The following ODAD2 variants were observed in gnomAD, a reference collection of about 807,000 sequenced individuals.
ODAD2 encodes the protein outer dynein arm docking complex subunit 2, also known as outer dynein arm-docking complex subunit 2.
ODAD2 carries 89 observed loss-of-function variants against 106.8 expected under a neutral mutation model. That is an observed-to-expected ratio of 0.83 (90% CI 0.70 to 0.99). ODAD2 has a LOEUF of 0.99. Among genes scored for constraint, ODAD2 ranks in the 50% least tolerant of loss-of-function variants. ODAD2 has a pLI of 0.00. For missense variants in ODAD2, 1,168 were observed against 1,238.5 expected (o/e 0.94, Z 0.85); for synonymous variants, 404 against 436.2 (o/e 0.93, Z 0.92).
At chr10:27,987,657 T>C (rs1427429007) in intron 2 of ODAD2, 114 bp from the exon 3 acceptor site, 4 of 659,028 alleles carry the variant, frequency 6.1e-6, no homozygotes, top group African/African-American at 3.6e-5. Context: ...ATACAGAAAA[T>C]ATAAATACAT....
At chr10:27,955,492 C>G (rs1294963263) in intron 10 of ODAD2, among the ~76,000 whole-genome samples, 1 of 152,160 alleles carries the variant, frequency 6.6e-6, no homozygotes, top group Non-Finnish European at 1.5e-5. Flanking sequence ...CTGCAGCTCC[C>G]TTCTGTGTGG....
intron 7 of ODAD2, among the ~76,000 whole-genome samples, chr10:27,974,873 C>T (rs1035437992): frequency 7.9e-5 from 12 of 152,118 alleles, no homozygotes; most frequent in African/African-American, 2.9e-4. Flanking sequence ...AATCCATGAG[C>T]ATAGGATGTT....
At chr10:27,828,675 A>G (rs1837250464) in intron 19 of ODAD2, among the ~76,000 whole-genome samples, 1 of 152,236 alleles carries the variant, frequency 6.6e-6, no homozygotes, top group Non-Finnish European at 1.5e-5. Flanking sequence ...ACCATTTATT[A>G]GAAAACAATT....
chr10:27,944,104 G>C lies in ODAD2; in HGVS notation c.1743+118C>G, dbSNP rs1846675162. ...TAAGGGCAAGCGATACAGACAGAAG[G>C]CTCCTGGAACACGCTCTCATGGCTA... On this transcript the variant is annotated intron_variant, in intron 12 of 19. Coordinates refer to ENST00000305242, the MANE Select transcript of ODAD2 (RefSeq NM_018076.5). 33 of 824,860 alleles carry C rather than the reference G, an allele frequency of 4.0e-5. No individual in the cohort carries two copies. The South Asian group carries it at 5.2e-4, about 13-fold the overall frequency. The allele number at this position is 824,860 out of a possible 1,614,324, so 51.1% of individuals were successfully genotyped here.
chr10:27,933,556 A>T (rs1276073529), intron 16 of ODAD2, among the ~76,000 whole-genome samples: 1 of 152,200 alleles, frequency 6.6e-6, no homozygotes, highest in Non-Finnish European at 1.5e-5. Context: ...TAGTCCAGGT[A>T]AAAGATGACA....
intron 10 of ODAD2, among the ~76,000 whole-genome samples, chr10:27,960,947 T>C (rs1331967121): frequency 6.6e-6 from 1 of 152,210 alleles, no homozygotes; most frequent in Non-Finnish European, 1.5e-5. Context: ...CCATTCCCCT[T>C]GCCCTCCTGC....
At chr10:27,938,064 C>T (rs1428177193) in intron 14 of ODAD2, among the ~76,000 whole-genome samples, 2 of 152,092 alleles carry the variant, frequency 1.3e-5, no homozygotes, top group Non-Finnish European at 2.9e-5. Flanking sequence ...GTGCCTCCAC[C>T]TCCAGAGTAA....
intron 10 of ODAD2, among the ~76,000 whole-genome samples, chr10:27,948,001 CT>C (rs1483178473): frequency 1.3e-5 from 2 of 152,190 alleles, no homozygotes; most frequent in African/African-American, 4.8e-5. Flanking sequence ...ACTTCCACAT[CT>C]TTTGAGCTTT....
chr10:27,894,785 C>G (rs996560669), intron 17 of ODAD2, among the ~76,000 whole-genome samples: 1 of 151,744 alleles, frequency 6.6e-6, no homozygotes, highest in African/African-American at 2.4e-5. Context: ...CAGCTGACCT[C>G]AAAATCCTGA....
Position 27,860,856 on chromosome 10 carries a change from G to A in ODAD2, c.2800-10C>T. ...TCAATTTATTGTTATTCTGTGCAAGGGAAAATGAAATGGGATCTGTGCATT... is the reference window on the plus strand; with the variant it reads ...TCAATTTATTGTTATTCTGTGCAAGAGAAAATGAAATGGGATCTGTGCATT... On this transcript the variant is annotated splice_polypyrimidine_tract_variant and intron_variant, in intron 18 of 19. Coordinates refer to ENST00000305242, the MANE Select transcript of ODAD2 (RefSeq NM_018076.5). 4 of 1,610,938 alleles carry A rather than the reference G, an allele frequency of 2.5e-6. No homozygotes were observed. The highest frequency in any genetic ancestry group is 3.4e-6 in the Non-Finnish European group (4 of 1,177,216).
intron 17 of ODAD2, among the ~76,000 whole-genome samples, chr10:27,888,118 A>AC (rs373770980): frequency 3.9e-5 from 6 of 152,156 alleles, no homozygotes; most frequent in African/African-American, 1.2e-4. Context: ...GTGCTGTGAT[A>AC]AACATACAAG....
chr10:27,960,319 T>C (rs910011830), intron 10 of ODAD2, among the ~76,000 whole-genome samples: 6 of 7,672 alleles, frequency 7.8e-4, no homozygotes, highest in Non-Finnish European at 1.5e-3. Context: ...ATTTCATTAT[T>C]ATTATTATTA....
chr10:27,985,066 C>G lies in ODAD2; in HGVS notation c.528G>C (p.Lys176Asn). ...EIKMKIAMLLKQLDLHLLNHS... is the reference protein window; with the variant it reads ...EIKMKIAMLLNQLDLHLLNHS... ...GATTGAGGAGGTGCAGATCCAATTGCTTAAGCAGCATAGCAATCTTCATCT... is the reference window on the plus strand; with the variant it reads ...GATTGAGGAGGTGCAGATCCAATTGGTTAAGCAGCATAGCAATCTTCATCT... Residue 176 changes from lysine to asparagine, a missense_variant, in exon 4 of 20, where the codon AAG (lysine) becomes AAC (asparagine). By Grantham distance (94) the Lys-to-Asn change is moderately conservative (BLOSUM62 0). This residue lies in a region of ODAD2 where 430 missense variants were observed against 452.2 expected (regional missense o/e 0.95). Transcript: ENST00000305242. 6.2e-7 allele frequency: 1 copy of G among 1,609,226 alleles called. No individual in the cohort carries two copies. The highest frequency in any genetic ancestry group is 1.1e-5 in the South Asian group (1 of 90,334).
chr10:27,989,641 C>T (rs1465995924), intron 2 of ODAD2, among the ~76,000 whole-genome samples: 2 of 152,162 alleles, frequency 1.3e-5, no homozygotes, highest in Non-Finnish European at 2.9e-5. Flanking sequence ...TTTTTCATTG[C>T]TCCTACCAGT....
intron 10 of ODAD2, among the ~76,000 whole-genome samples, chr10:27,948,778 G>GGTTT (rs1847115638): frequency 5.1e-5 from 2 of 39,236 alleles, no homozygotes; most frequent in East Asian, 1.2e-3. Flanking sequence ...TTGGCCTTTG[G>GGTTT]ATTTTTTTTT....
intron 9 of ODAD2, 102 bp from the exon 10 acceptor site, chr10:27,961,817 T>TCCCAAA: frequency 1.0e-6 from 1 of 980,340 alleles, no homozygotes; most frequent in Non-Finnish European, 1.5e-6. Flanking sequence ...ATAATCTCAG[T>TCCCAAA]GCTTTGGGAG....
intron 19 of ODAD2, among the ~76,000 whole-genome samples, chr10:27,824,810 ATTT>A (rs1469556376): frequency 6.6e-6 from 1 of 152,168 alleles, no homozygotes; most frequent in Non-Finnish European, 1.5e-5. Flanking sequence ...TGTTAGATCC[ATTT>A]TCTGAGAGAC....
chr10:27,839,280 T>C (rs1838134710), intron 19 of ODAD2, among the ~76,000 whole-genome samples: 1 of 152,218 alleles, frequency 6.6e-6, no homozygotes. Context: ...TCTAAAAATA[T>C]GACACGCGGC....
intron 10 of ODAD2, among the ~76,000 whole-genome samples, chr10:27,955,100 T>C (rs924731882): frequency 4.6e-5 from 7 of 152,230 alleles, no homozygotes; most frequent in Non-Finnish European, 1.0e-4. Flanking sequence ...TTAAAGAATG[T>C]TTCTCAGGAA....
Sources: allele counts gnomAD v4.1 joint callset (sites outside exome capture counted in the v4.1 genomes callset), GRCh38; gene constraint gnomAD v4.1.1; regional missense constraint gnomAD v4.1.1; transcripts MANE v1.5; gene names NCBI Gene and HGNC (gene_info 2026-07-23, HGNC 2026-07-21).